Variants in MAP3K13 observed in about 807,000 individuals in gnomAD.
MAP3K13 encodes the protein leucine zipper-bearing kinase.
MAP3K13 carries 52 observed loss-of-function variants against 104.0 expected under a neutral mutation model. That is an observed-to-expected ratio of 0.50 (90% CI 0.40 to 0.63). MAP3K13 has a LOEUF of 0.63. MAP3K13 is among the 20% of genes least tolerant of loss of function. MAP3K13 has a pLI of 0.00. For missense variants in MAP3K13, 914 were observed against 1,218.5 expected, an observed-to-expected ratio of 0.75 and a Z score of 3.72; for synonymous variants, 394 against 442.2, an observed-to-expected ratio of 0.89 and a Z score of 1.37.
At chr3:185,455,626 T>C (rs200775638) in intron 7 of MAP3K13, among the ~76,000 whole-genome samples, 415 of 8,828 alleles carry the variant, frequency 0.047, 48 homozygotes, top group African/African-American at 0.057. Context: ...AGATATATGA[T>C]ATATATATGA....
intron 1 of MAP3K13, among the ~76,000 whole-genome samples, chr3:185,399,850 C>T (rs963940159): frequency 1.3e-5 from 2 of 151,982 alleles, no homozygotes; most frequent in Non-Finnish European, 2.9e-5. Flanking sequence ...GCAGCTCCTC[C>T]GCCCTGCACC....
chr3:185,287,953 T>C (rs1472250375), intron 2 of MAP3K13, among the ~76,000 whole-genome samples: 2 of 152,098 alleles, frequency 1.3e-5, no homozygotes, highest in Non-Finnish European at 2.9e-5. Context: ...AGGAGAATCA[T>C]TTGAACTCGG....
chr3:185,432,022 C>T (rs936364308), intron 2 of MAP3K13, among the ~76,000 whole-genome samples: 5 of 152,008 alleles, frequency 3.3e-5, no homozygotes, highest in African/African-American at 1.2e-4. Context: ...TCCCTCCACC[C>T]CCTGGCCCCC....
intron 1 of MAP3K13, among the ~76,000 whole-genome samples, chr3:185,377,807 G>T (rs1724505028): frequency 6.6e-6 from 1 of 152,276 alleles, no homozygotes; most frequent in Non-Finnish European, 1.5e-5. Context: ...TCAGTCTTCA[G>T]CCGCTAAGCC....
At chr3:185,399,421 G>A (rs1318348815) in intron 1 of MAP3K13, among the ~76,000 whole-genome samples, 1 of 151,534 alleles carries the variant, frequency 6.6e-6, no homozygotes, top group Non-Finnish European at 1.5e-5. Flanking sequence ...TGGCCAACAT[G>A]GTGAAACTCC....
At chr3:185,383,824 A>C (rs1483139142) in intron 1 of MAP3K13, among the ~76,000 whole-genome samples, 1 of 152,204 alleles carries the variant, frequency 6.6e-6, no homozygotes, top group African/African-American at 2.4e-5. Context: ...TAAAATTTTT[A>C]AGTATACATA....
intron 1 of MAP3K13, among the ~76,000 whole-genome samples, chr3:185,400,905 G>GTTTTTTTTTTTT (rs71164506): frequency 2.7e-3 from 293 of 107,256 alleles, no homozygotes; most frequent in Middle Eastern, 5.4e-3. Flanking sequence ...GTGTTTGTTT[G>GTTTTTTTTTTTT]TTTTTTTTTT....
intron 10 of MAP3K13, among the ~76,000 whole-genome samples, chr3:185,471,199 T>A (rs1717755448): frequency 6.6e-6 from 1 of 152,130 alleles, no homozygotes; most frequent in Non-Finnish European, 1.5e-5. Flanking sequence ...TGGCTAACTT[T>A]CTAAAACACT....
chr3:185,325,323 A>G (rs1486344175), intron 2 of MAP3K13, among the ~76,000 whole-genome samples: 1 of 152,212 alleles, frequency 6.6e-6, no homozygotes, highest in Non-Finnish European at 1.5e-5. Flanking sequence ...CATTGGATTT[A>G]GAGCCCACTT....
Position 185,488,019 on chromosome 3 carries a change from A to G in MAP3K13, c.*5563A>G, listed in dbSNP as rs1421644360. 6 of 152,242 alleles carry G rather than the reference A, an allele frequency of 3.9e-5. No individual in the cohort carries two copies. The highest frequency in any genetic ancestry group is 1.9e-4 in the East Asian group (1 of 5,204). The allele number at this position is 152,242 out of a possible 1,614,324, so 9.4% of individuals were successfully genotyped here. Reference sequence around the variant, plus strand: ...ACTGCCCTTTTGGACAACAATTCCAATTGAAGGAACACCAATCACTGATGG... The same window carrying G: ...ACTGCCCTTTTGGACAACAATTCCAGTTGAAGGAACACCAATCACTGATGG... On this transcript the variant is annotated 3_prime_UTR_variant, in exon 14 of 14. Transcript: ENST00000265026.
At chr3:185,409,513 G>A (rs190840993) in intron 1 of MAP3K13, among the ~76,000 whole-genome samples, 3 of 152,228 alleles carry the variant, frequency 2.0e-5, no homozygotes, top group African/African-American at 7.2e-5. Context: ...CATAGAAAAT[G>A]GAACTGTTAT....
intron 2 of MAP3K13, among the ~76,000 whole-genome samples, chr3:185,290,424 C>T (rs1440070610): frequency 6.6e-6 from 1 of 152,110 alleles, no homozygotes; most frequent in Non-Finnish European, 1.5e-5. Context: ...GAAATGGATT[C>T]TATATTACTC....
In MAP3K13 at chr3:185,466,820, C is replaced by T; in HGVS notation, c.1506-6C>T. 2 of 1,613,940 alleles carry T rather than the reference C, an allele frequency of 1.2e-6. No individual in the cohort carries two copies. The highest frequency in any genetic ancestry group is 1.7e-6 in the Non-Finnish European group (2 of 1,179,854). The stretch of plus-strand genomic sequence containing the variant: ...CTGAGGTGTGGCTTTTGCCTTTATT[C>T]TGCAGGCGTGAGCAAGCAGTGGAAA... On this transcript the variant is annotated splice_polypyrimidine_tract_variant and splice_region_variant and intron_variant, in intron 9 of 13. Transcript: ENST00000265026.
At chr3:185,313,786 T>C (rs1251371434) in intron 2 of MAP3K13, among the ~76,000 whole-genome samples, 1 of 151,892 alleles carries the variant, frequency 6.6e-6, no homozygotes, top group Admixed American at 6.6e-5. Context: ...AGATTAGAAT[T>C]GGGAAGCTCT....
rs961422230 is a variant in MAP3K13 at position 185,472,984 on chromosome 3, G to A, written c.1653G>A (p.Leu551=). The stretch of plus-strand genomic sequence containing the variant: ...TGTTCTTTCCTCCCAGGCCAGACTT[G>A]TTGAGATCAGAAGGGATCCCCACCA... ...KSGMQTKRPD[L]LRSEGIPTTE... Residue 551 remains leucine, a synonymous_variant, in exon 11 of 14, where the codon TTG becomes TTA. Transcript: ENST00000265026. 1 of 1,613,678 alleles carries A rather than the reference G, an allele frequency of 6.2e-7. No homozygotes were observed. Among genetic ancestry groups the A allele is most frequent in the Non-Finnish European group, 8.5e-7 (1 of 1,179,786 alleles).
At chr3:185,338,487 C>G (rs571745853) in intron 2 of MAP3K13, among the ~76,000 whole-genome samples, 7 of 152,172 alleles carry the variant, frequency 4.6e-5, no homozygotes, top group Non-Finnish European at 1.0e-4. Context: ...CAAGAAATGA[C>G]TTAGAAGCCA....
intron 2 of MAP3K13, among the ~76,000 whole-genome samples, chr3:185,320,349 G>A (rs1336706002): frequency 6.6e-6 from 1 of 152,144 alleles, no homozygotes; most frequent in Non-Finnish European, 1.5e-5. Context: ...CCAAAGTACT[G>A]GGATTACAGG....
intron 2 of MAP3K13, among the ~76,000 whole-genome samples, chr3:185,309,785 T>G (rs1012621096): frequency 6.6e-6 from 1 of 152,180 alleles, no homozygotes; most frequent in Admixed American, 6.5e-5. Flanking sequence ...GCTACTATTT[T>G]GTATTTAGTG....
chr3:185,324,317 C>T lies in MAP3K13; in HGVS notation c.-86+38674C>T, dbSNP rs529779085. 1.2e-4 allele frequency among the ~76,000 whole-genome samples: 19 copies of T among 152,270 alleles called. 1 individual carries two copies. Among genetic ancestry groups the T allele is most frequent in the Middle Eastern group, 3.4e-3 (1 of 294 alleles). ...ACAGGCGTGAGCCACCGCGCCCAGC[C>T]GAGTGCCTTTTTATATATTTAAGAG... On this transcript the variant is annotated intron_variant, in intron 2 of 14. Transcript: ENST00000424227.
Sources: gnomAD v4.1 joint callset for allele counts (sites outside exome capture counted in the v4.1 genomes callset) on GRCh38, gnomAD v4.1.1 for gene constraint, MANE v1.5 for transcripts, NCBI Gene and HGNC (gene_info 2026-07-23, HGNC 2026-07-21) for gene names.